Variants in CDH12 observed in about 807,000 individuals in gnomAD.
CDH12 encodes the protein cadherin 12, also known as cadherin-12.
In CDH12, 41 loss-of-function variants were observed where a neutral mutation model predicts 74.1. That is an observed-to-expected ratio of 0.55 (90% CI 0.43 to 0.72). The LOEUF is 0.72. Ranked by LOEUF, CDH12 falls within the 30% of genes least tolerant of loss-of-function variation. CDH12 has a pLI of 0.00. For synonymous variants in CDH12, 399 were observed against 355.0 expected (o/e 1.12, Z -1.39); for missense variants, 945 against 977.2 (o/e 0.97, Z 0.44).
chr5:22,248,313 A>G (rs1009113370), intron 3 of CDH12, among the ~76,000 whole-genome samples: 18 of 152,006 alleles, frequency 1.2e-4, no homozygotes, highest in African/African-American at 3.4e-4. Context: ...AATAATAATA[A>G]TAATAGTAAT....
intron 1 of CDH12, among the ~76,000 whole-genome samples, chr5:22,726,227 C>G (rs1362350424): frequency 6.6e-6 from 1 of 151,722 alleles, no homozygotes; most frequent in Admixed American, 6.6e-5. Flanking sequence ...ACCTTAGCAA[C>G]CATTGATCCT....
intron 1 of CDH12, among the ~76,000 whole-genome samples, chr5:22,835,642 AC>A (rs1170851832): frequency 2.0e-5 from 3 of 152,204 alleles, no homozygotes; most frequent in African/African-American, 2.4e-5. Flanking sequence ...GCTATTTCTG[AC>A]AAGGGAATTG....
intron 1 of CDH12, among the ~76,000 whole-genome samples, chr5:22,754,105 G>T (rs1274131757): frequency 6.6e-6 from 1 of 152,106 alleles, no homozygotes; most frequent in Non-Finnish European, 1.5e-5. Context: ...TCATTTAAAT[G>T]ACCAAAATAA....
At chr5:22,299,352 A>G (rs1737766157) in intron 3 of CDH12, among the ~76,000 whole-genome samples, 1 of 152,128 alleles carries the variant, frequency 6.6e-6, no homozygotes, top group Non-Finnish European at 1.5e-5. Context: ...AAAGATGGGG[A>G]GTCAATGAAT....
chr5:22,246,838 A>AGTT (rs1752962393), intron 3 of CDH12, among the ~76,000 whole-genome samples: 1 of 152,174 alleles, frequency 6.6e-6, no homozygotes, highest in African/African-American at 2.4e-5. Flanking sequence ...TTAAGGTATA[A>AGTT]GACTGTATTT....
At chr5:22,591,464 TC>T (rs1736317197) in intron 1 of CDH12, among the ~76,000 whole-genome samples, 1 of 152,198 alleles carries the variant, frequency 6.6e-6, no homozygotes, top group Admixed American at 6.5e-5. Context: ...AGTCTGTAAA[TC>T]CATTTATAGC....
intron 6 of CDH12, among the ~76,000 whole-genome samples, chr5:21,905,632 A>T (rs1753606343): frequency 6.6e-6 from 1 of 152,182 alleles, no homozygotes; most frequent in African/African-American, 2.4e-5. Flanking sequence ...AACTCTCCTT[A>T]CAGTCTGTGT....
intron 1 of CDH12, among the ~76,000 whole-genome samples, chr5:22,528,381 A>C (rs528319122): frequency 1.0e-3 from 154 of 152,204 alleles, no homozygotes; most frequent in African/African-American, 3.7e-3. Flanking sequence ...TACTCTCCAC[A>C]TATTGCCATT....
intron 6 of CDH12, among the ~76,000 whole-genome samples, chr5:21,909,601 T>C (rs2150062098): frequency 6.6e-6 from 1 of 152,256 alleles, no homozygotes; most frequent in African/African-American, 2.4e-5. Flanking sequence ...ATAACAGTGA[T>C]GATAACAGAA....
intron 4 of CDH12, among the ~76,000 whole-genome samples, chr5:22,152,729 A>G (rs1342304774): frequency 2.0e-5 from 3 of 152,162 alleles, no homozygotes; most frequent in Non-Finnish European, 2.9e-5. Context: ...TTCCTCCTAT[A>G]TAATTGAAAT....
chr5:21,794,859 G>A (rs894845101), intron 10 of CDH12, among the ~76,000 whole-genome samples: 2 of 151,016 alleles, frequency 1.3e-5, no homozygotes, highest in African/African-American at 4.9e-5. Context: ...TTTTTATGTA[G>A]AGCCCAATTT....
chr5:22,716,623 A>C (rs1260472780), intron 1 of CDH12, among the ~76,000 whole-genome samples: 6 of 151,588 alleles, frequency 4.0e-5, no homozygotes, highest in Non-Finnish European at 5.9e-5. Context: ...AAAAAAAAAA[A>C]ACAAAAAATA....
At chr5:22,281,377 C>A (rs1230587054) in intron 3 of CDH12, among the ~76,000 whole-genome samples, 1 of 151,984 alleles carries the variant, frequency 6.6e-6, no homozygotes, top group Non-Finnish European at 1.5e-5. Context: ...CTAGCCAGGG[C>A]AATCAGGCAA....
intron 5 of CDH12, among the ~76,000 whole-genome samples, chr5:21,987,025 C>G (rs1757546568): frequency 6.6e-6 from 1 of 151,774 alleles, no homozygotes; most frequent in South Asian, 2.1e-4. Context: ...ACTTAATAAT[C>G]CCAATAAAGC....
intron 4 of CDH12, among the ~76,000 whole-genome samples, chr5:22,117,489 T>A (rs10472479): frequency 0.02 from 968 of 48,482 alleles, 22 homozygotes; most frequent in Middle Eastern, 0.024. Context: ...TATATATATA[T>A]TATATATATA....
chr5:22,770,042 CTT>C (rs150735015), intron 1 of CDH12, among the ~76,000 whole-genome samples: 1 of 148,780 alleles, frequency 6.7e-6, no homozygotes, highest in African/African-American at 2.5e-5. Context: ...GTTGCGCTGA[CTT>C]TTTTTTTTCA....
At chr5:21,959,632 G>C (rs576795322) in intron 6 of CDH12, among the ~76,000 whole-genome samples, 2 of 151,698 alleles carry the variant, frequency 1.3e-5, no homozygotes, top group African/African-American at 4.8e-5. Context: ...AGAAGGGGCC[G>C]GGAGTGGTGG....
At chr5:22,000,846 G>T (rs555906890) in intron 5 of CDH12, among the ~76,000 whole-genome samples, 243 of 151,724 alleles carry the variant, frequency 1.6e-3, no homozygotes, top group African/African-American at 5.8e-3. Flanking sequence ...TATCTATTCA[G>T]CTCGAAAAAA....
chr5:22,060,860 C>T (rs910980743), intron 5 of CDH12, among the ~76,000 whole-genome samples: 2 of 152,088 alleles, frequency 1.3e-5, no homozygotes, highest in African/African-American at 4.8e-5. Context: ...AGAAGAGTTG[C>T]CAGAGCTCCT....
Sources: allele counts gnomAD v4.1 joint callset (sites outside exome capture counted in the v4.1 genomes callset), GRCh38; gene constraint gnomAD v4.1.1; transcripts MANE v1.5; gene names NCBI Gene and HGNC (gene_info 2026-07-23, HGNC 2026-07-21).